NUF2: variants seen among roughly 807,000 people sequenced by gnomAD.
NUF2 encodes NUF2 component of NDC80 kinetochore complex.
Under a neutral mutation model 61.8 loss-of-function variants are expected in NUF2, and 34 were observed. That is an observed-to-expected ratio of 0.55 (90% CI 0.42 to 0.73). The LOEUF (loss-of-function observed/expected upper bound fraction) is 0.73, where lower values mean the gene tolerates loss of function less well. NUF2 is among the 30% of genes least tolerant of loss of function. The pLI is 0.00. For synonymous variants in NUF2, 172 were observed against 181.6 expected, an observed-to-expected ratio of 0.95 and a Z score of 0.42; for missense variants, 445 against 539.1, an observed-to-expected ratio of 0.83 and a Z score of 1.73.
chr1:163,347,939 G>A lies in NUF2; in HGVS notation c.1124+1G>A. 2 of 1,505,536 alleles carry A rather than the reference G, an allele frequency of 1.3e-6. No individual in the cohort carries two copies. The highest frequency in any genetic ancestry group is 8.9e-7 in the Non-Finnish European group (1 of 1,125,240). The allele number at this position is 1,505,536 out of a possible 1,614,324, so 93.3% of individuals were successfully genotyped here. ...AGCAATACAAACGCACAGTAATTGA[G>A]TATGGAGTTGTTTTCAATTTTAGTG... On this transcript the variant is annotated splice_donor_variant, in intron 12 of 13. Coordinates refer to ENST00000271452, the MANE Select transcript of NUF2 (RefSeq NM_145697.3). LOFTEE classifies it high-confidence loss of function.
chr1:163,355,685 T>C lies in NUF2; in HGVS notation c.*216T>C, dbSNP rs2101697384. ...CTTGTGCAGCTATTCATGTCTCTAC[T>C]CTGCCCCTTGTTGTAAATAGTTTGA... On this transcript the variant is annotated 3_prime_UTR_variant, in exon 14 of 14. Coordinates refer to ENST00000271452, the MANE Select transcript of NUF2 (RefSeq NM_145697.3). 3.2e-6 allele frequency: 1 copy of C among 314,732 alleles called. No homozygotes were observed. Among genetic ancestry groups the C allele is most frequent in the South Asian group, 9.9e-5 (1 of 10,140 alleles). 19.5% of individuals were successfully genotyped at this position (314,732 alleles called of 1,614,324 possible).
At chr1:163,340,447 C>T (rs1650905156) in intron 9 of NUF2, 21 bp downstream of exon 9, 2 of 1,578,028 alleles carry the variant, frequency 1.3e-6, no homozygotes, top group Admixed American at 1.7e-5. Context: ...TTTCTTTTCA[C>T]TAGCATTTAA....
At chr1:163,323,024 C>G (rs1004622662) in intron 1 of NUF2, 2 of 152,084 alleles carry the variant, frequency 1.3e-5, no homozygotes, top group Non-Finnish European at 2.9e-5. Flanking sequence ...TAACTTGGAG[C>G]AGAAATTTCA....
intron 10 of NUF2, 41 bp downstream of exon 10, chr1:163,343,911 A>C: frequency 8.0e-7 from 1 of 1,255,686 alleles, no homozygotes; most frequent in Non-Finnish European, 1.1e-6. Flanking sequence ...TATCTAAAAA[A>C]AAAAATTAGC....
intron 9 of NUF2, among the ~76,000 whole-genome samples, chr1:163,341,570 A>G (rs993349008): frequency 3.3e-5 from 5 of 151,556 alleles, no homozygotes; most frequent in Non-Finnish European, 5.9e-5. Flanking sequence ...TTGCTTAGTG[A>G]TTTCTTGTTA....
chr1:163,322,590 C>T (rs545710841), intron 1 of NUF2, among the ~76,000 whole-genome samples: 1 of 152,168 alleles, frequency 6.6e-6, no homozygotes, highest in Non-Finnish European at 1.5e-5. Flanking sequence ...GTTCAAGGAA[C>T]GTTTTACTTA....
Position 163,339,401 on chromosome 1 carries a change from A to G in NUF2, c.530A>G (p.Gln177Arg), listed in dbSNP as rs775908985. ...ERLDSVPVEE[Q>R]EEFKQLSDGI... ...TTAAGTTCTGTTCCAGTTGAAGAGC[A>G]AGAAGAGTTCAAGCAGCTTTCAGAT... The change falls in exon 8 of 14, where the codon CAA becomes CGA. Residue 177 changes from glutamine (Q) to arginine (R), a missense_variant. Coordinates refer to ENST00000271452, the MANE Select transcript of NUF2 (RefSeq NM_145697.3). The G allele has an allele frequency of 2.5e-6, 4 of 1,611,622 alleles. No homozygotes were observed. The East Asian group carries it at 8.9e-5, about 36-fold the overall frequency.
rs1168664804 is a variant in NUF2 at position 163,327,527 on chromosome 1, A to G, written c.163A>G (p.Ile55Val). The stretch of plus-strand genomic sequence containing the variant: ...CATGATCTACATGAGAGCCTTACAA[A>G]TAGTATATGGAATTCGACTGGAACA... ...LHMIYMRALQ[I>V]VYGIRLEHFY... is the part of the protein sequence containing the mutation. The change falls in exon 3 of 14, where the codon ATA becomes GTA. Residue 55 changes from isoleucine to valine, a missense_variant. Coordinates refer to ENST00000271452, the MANE Select transcript of NUF2 (RefSeq NM_145697.3). The G allele has an allele frequency of 6.2e-7, 1 of 1,612,744 alleles. No individual in the cohort carries two copies. Among genetic ancestry groups the G allele is most frequent in the Non-Finnish European group, 8.5e-7 (1 of 1,178,888 alleles).
At chr1:163,327,211 T>C (rs10917728) in intron 2 of NUF2, among the ~76,000 whole-genome samples, 89,308 of 151,750 alleles carry the variant, frequency 0.59, 26,673 homozygotes, top group Middle Eastern at 0.68. Flanking sequence ...CTTCTTCTTC[T>C]ATTTCCTAAG....
At chr1:163,350,077 G>A (rs1371113988) in intron 13 of NUF2, among the ~76,000 whole-genome samples, 3 of 151,842 alleles carry the variant, frequency 2.0e-5, no homozygotes, top group Non-Finnish European at 2.9e-5. Flanking sequence ...CGAGGCGGGC[G>A]GATCACGAGG....
At position 163,340,443 on chromosome 1, in the gene NUF2, T is replaced by C. The variant is rs1174796518; in HGVS notation, c.669+17T>C. ...AAGCGTTTGGTAAACATCTTTTCTT[T>C]TCACTAGCATTTAAAGTTTGAATAT... is the stretch of plus-strand genomic sequence containing the variant. On this transcript the variant is annotated intron_variant, in intron 9 of 13. Coordinates refer to ENST00000271452, the MANE Select transcript of NUF2 (RefSeq NM_145697.3). 6.3e-7 allele frequency: 1 copy of C among 1,582,316 alleles called. No homozygotes were observed. Among genetic ancestry groups the C allele is most frequent in the Non-Finnish European group, 8.7e-7 (1 of 1,154,194 alleles).
intron 5 of NUF2, among the ~76,000 whole-genome samples, chr1:163,330,514 CTT>C (rs1392235598): frequency 6.6e-6 from 1 of 152,084 alleles, no homozygotes; most frequent in Non-Finnish European, 1.5e-5. Flanking sequence ...CTTTCTTCAT[CTT>C]TGTCAAGATT....
intron 2 of NUF2, 83 bp from the exon 3 acceptor site, chr1:163,327,405 A>G (rs1650459655): frequency 1.4e-6 from 1 of 725,344 alleles, no homozygotes; most frequent in Admixed American, 2.4e-5. Flanking sequence ...GCTTTCATCG[A>G]TTATAATATT....
At chr1:163,338,209 TAGC>T in intron 7 of NUF2, 116 bp downstream of exon 7, 1 of 615,732 alleles carries the variant, frequency 1.6e-6, no homozygotes, top group South Asian at 2.6e-5. Flanking sequence ...CCTTAATAAA[TAGC>T]AGAGTATTTG....
intron 11 of NUF2, chr1:163,346,198 A>G (rs1033642026): frequency 6.6e-6 from 1 of 152,294 alleles, no homozygotes; most frequent in African/African-American, 2.4e-5. Context: ...CATACCTATG[A>G]TAAAGTTTAA....
intron 5 of NUF2, among the ~76,000 whole-genome samples, chr1:163,329,752 A>C (rs1222079685): frequency 1.3e-5 from 2 of 152,216 alleles, no homozygotes; most frequent in Non-Finnish European, 2.9e-5. Context: ...TTATATTCAC[A>C]CAAAAACTTA....
At chr1:163,326,858 T>C (rs929620836) in intron 2 of NUF2, among the ~76,000 whole-genome samples, 14 of 152,162 alleles carry the variant, frequency 9.2e-5, no homozygotes, top group African/African-American at 3.4e-4. Flanking sequence ...TTCAGCTTTC[T>C]TAAAAGATTA....
In NUF2 at chr1:163,336,770, G is replaced by T. The variant is rs748354238; in HGVS notation, c.357G>T (p.Arg119=). ...TTTTAGAAGCAAAACGGACAAGTCG[G>T]TTTTTAAGTGGCATTATCAACTTTA... The part of the protein sequence containing the change: ...ILCPKAKRTS[R]FLSGIINFIH... The change falls in exon 6 of 14, where the codon CGG becomes CGT. Residue 119 remains arginine (R), a synonymous_variant. Transcript: ENST00000271452. 7 of 1,612,018 alleles carry T rather than the reference G, an allele frequency of 4.3e-6. No individual in the cohort carries two copies. The highest frequency in any genetic ancestry group is 5.1e-6 in the Non-Finnish European group (6 of 1,178,476).
intron 13 of NUF2, among the ~76,000 whole-genome samples, chr1:163,352,034 C>G (rs1651337974): frequency 6.6e-6 from 1 of 152,144 alleles, no homozygotes; most frequent in Non-Finnish European, 1.5e-5. Flanking sequence ...ACCTTTTCTT[C>G]ACTTTCTTTC....
Sources: allele counts gnomAD v4.1 joint callset (sites outside exome capture counted in the v4.1 genomes callset), GRCh38; gene constraint gnomAD v4.1.1; transcripts MANE v1.5; gene names NCBI Gene and HGNC (gene_info 2026-07-23, HGNC 2026-07-21).